Variants in ZNF626 observed in about 807,000 individuals in gnomAD.
ZNF626 encodes CTC-513N18.7.
ZNF626 carries 4 observed loss-of-function variants against 11.7 expected under a neutral mutation model. The ratio of observed to expected loss-of-function variants is 0.34; its 90% CI spans 0.17 to 0.78. The LOEUF is 0.78. ZNF626 is among the 30% of genes least tolerant of loss of function. The probability of loss-of-function intolerance (pLI) is 0.57; values close to 1 mark genes in which losing one functional copy is unlikely to be tolerated. For synonymous variants in ZNF626, 179 were observed against 198.6 expected (o/e 0.90, Z 0.83); for missense variants, 588 against 587.1 (o/e 1.00, Z -0.01).
chr19:20,624,367 G>A lies in ZNF626; in HGVS notation c.1510C>T (p.Leu504=). ...SILTTHERII[L]ERNSTNVKNV... ...TTCACATTTGTAGAATTTCTCTCCA[G>A]TATGATTCTCTCATGTGTAGTAAGG... The change falls in exon 4 of 4, where the codon CTG becomes TTG. Residue 504 remains leucine (L), a synonymous_variant. Coordinates refer to ENST00000601440, the MANE Select transcript of ZNF626 (RefSeq NM_001076675.3). The A allele has an allele frequency of 7.0e-6, 9 of 1,291,684 alleles. 3 individuals are homozygous for A. Among genetic ancestry groups the A allele is most frequent in the Non-Finnish European group, 9.3e-6 (9 of 971,346 alleles). 80.0% of individuals were successfully genotyped at this position (1,291,684 alleles called of 1,614,324 possible).
chr19:20,655,769 A>C (rs1295615951), intron 1 of ZNF626, among the ~76,000 whole-genome samples: 1 of 151,968 alleles, frequency 6.6e-6, no homozygotes, highest in African/African-American at 2.4e-5. Flanking sequence ...AAAAATACAA[A>C]AAAAAGAACA....
At chr19:20,661,338 A>C (rs1168741581) in intron 1 of ZNF626, 106 bp downstream of exon 1, 2 of 1,438,740 alleles carry the variant, frequency 1.4e-6, no homozygotes, top group African/African-American at 2.8e-5. Flanking sequence ...CTGGGGGAGC[A>C]GACTGTGGAG....
In ZNF626 at chr19:20,625,380, C is replaced by T; in HGVS notation, c.497G>A (p.Gly166Glu). The T allele has an allele frequency of 1.2e-6, 2 of 1,614,042 alleles. No homozygotes were observed. Among genetic ancestry groups the T allele is most frequent in the South Asian group, 2.2e-5 (2 of 91,068 alleles). ...QFPNSNGQKR[G>E]HTGKKPFKYI... ...TTTGAAAGGTTTTTTCCCAGTATGT[C>T]CTCTCTTTTGTCCGTTTGAATTTGG... Residue 166 changes from glycine (G) to glutamate (E), a missense_variant, in exon 4 of 4, where the codon GGA becomes GAA. By Grantham distance (98) the Gly-to-Glu change is moderately conservative. Transcript: ENST00000601440.
chr19:20,659,743 T>C (rs274802), intron 1 of ZNF626, among the ~76,000 whole-genome samples: 76,696 of 151,460 alleles, frequency 0.51, 22,322 homozygotes, highest in African/African-American at 0.8. Context: ...ATAAATCTAA[T>C]ATTCTTATTT....
In ZNF626 at chr19:20,623,073, T is replaced by C. The variant is rs1555768926; in HGVS notation, c.*1217A>G. 2.6e-5 allele frequency: 4 copies of C among 152,336 alleles called. No homozygotes were observed. In the South Asian group the frequency reaches 8.3e-4, roughly 31 times the overall value. The allele number at this position is 152,336 out of a possible 1,614,324, so 9.4% of individuals were successfully genotyped here. On this transcript the variant is annotated 3_prime_UTR_variant, in exon 4 of 4. Coordinates refer to ENST00000601440, the MANE Select transcript of ZNF626 (RefSeq NM_001076675.3). ...TAATGGTTGTCTTCAGAATAAATAC[T>C]CTTCTTCACTTTAAAGGCTTATATT...
rs1203023559 is a variant in ZNF626 at position 20,637,028 on chromosome 19, A to AAAAC, written c.226+8655_226+8656insGTTT. Among the ~76,000 whole-genome samples the AAAAC allele has an allele frequency of 8.6e-5, 13 of 151,248 alleles. 1 individual carries two copies. The highest frequency in any genetic ancestry group is 3.2e-4 in the African/African-American group (13 of 41,166). The stretch of plus-strand genomic sequence containing the variant: ...AGAAAGACTCCATCTCAAAAAAAAA[A>AAAAC]AAAAAAAAAAGGCCCAGTGCAATGG... On this transcript the variant is annotated intron_variant, in intron 3 of 3. Transcript: ENST00000601440.
rs543453488 is a variant in ZNF626, at chr19:20,624,885, T to A, written c.992A>T (p.His331Leu). 6.2e-7 allele frequency: 1 copy of A among 1,613,970 alleles called. No individual in the cohort carries two copies. The highest frequency in any genetic ancestry group is 8.5e-7 in the Non-Finnish European group (1 of 1,179,990). Residue 331 changes from histidine to leucine, a missense_variant, in exon 4 of 4, where the codon CAT (histidine) becomes CTT (leucine). Coordinates refer to ENST00000601440, the MANE Select transcript of ZNF626 (RefSeq NM_001076675.3). ...TTTGTCTTCAGTATGAATTCTTTTA[T>A]GTGTAGTAAGGGTATAGGAGTACTT... is the stretch of plus-strand genomic sequence containing the variant. Reference protein sequence around the residue: ...AFKYSYTLTTHKRIHTEDKPY... With the variant: ...AFKYSYTLTTLKRIHTEDKPY...
intron 1 of ZNF626, among the ~76,000 whole-genome samples, chr19:20,650,205 G>C (rs10417842): frequency 0.44 from 66,490 of 150,956 alleles, 16,885 homozygotes; most frequent in African/African-American, 0.7. Flanking sequence ...AAGGGCCCAG[G>C]ATTTTTATTG....
intron 3 of ZNF626, among the ~76,000 whole-genome samples, chr19:20,626,582 G>T (rs1969836097): frequency 6.6e-6 from 1 of 151,556 alleles, no homozygotes; most frequent in Admixed American, 6.6e-5. Flanking sequence ...GCTGGGCATG[G>T]TGGCATGTGC....
intron 1 of ZNF626, among the ~76,000 whole-genome samples, chr19:20,657,543 A>C (rs1970217961): frequency 6.6e-6 from 1 of 152,124 alleles, no homozygotes; most frequent in African/African-American, 2.4e-5. Context: ...ATGGTGGCTC[A>C]CGCCTGTAAT....
At chr19:20,626,560 A>G (rs186703841) in intron 3 of ZNF626, among the ~76,000 whole-genome samples, 9 of 152,228 alleles carry the variant, frequency 5.9e-5, no homozygotes, top group Non-Finnish European at 4.4e-5. Flanking sequence ...TCTACTAAAA[A>G]TACAAAAACT....
chr19:20,639,412 T>C (rs567118532), intron 3 of ZNF626, among the ~76,000 whole-genome samples: 5 of 152,342 alleles, frequency 3.3e-5, no homozygotes, highest in Non-Finnish European at 7.4e-5. Flanking sequence ...ATCTGGTGTA[T>C]TCTGTTAGGA....
At chr19:20,646,638 A>C (rs1555771939) in intron 1 of ZNF626, among the ~76,000 whole-genome samples, 2 of 152,234 alleles carry the variant, frequency 1.3e-5, no homozygotes, top group Non-Finnish European at 2.9e-5. Context: ...CTAGATAATA[A>C]AGTATAAAAT....
chr19:20,648,446 G>A (rs943036316), intron 1 of ZNF626, among the ~76,000 whole-genome samples: 24 of 149,370 alleles, frequency 1.6e-4, no homozygotes, highest in Non-Finnish European at 3.4e-4. Context: ...GCGCAATCTC[G>A]GCTCACTGCA....
intron 3 of ZNF626, among the ~76,000 whole-genome samples, chr19:20,628,076 A>G (rs1212652405): frequency 1.3e-5 from 2 of 152,120 alleles, no homozygotes; most frequent in Non-Finnish European, 2.9e-5. Flanking sequence ...GATGGTTTCC[A>G]GTTTCATCCA....
At position 20,630,435 on chromosome 19, in the gene ZNF626, TG is replaced by T. The variant is rs1223168220; in HGVS notation, c.227-4786del. Among the ~76,000 whole-genome samples, 32 of 152,312 alleles carry T rather than the reference TG, an allele frequency of 2.1e-4. No homozygotes were observed. In the Middle Eastern group the frequency reaches 0.01, roughly 49 times the overall value. The stretch of plus-strand genomic sequence containing the variant: ...GAACTTTTTTTGATTGGTAAGCTAT[TG>T]ATTATTGCCTCAATTTCAGCTCCTA... On this transcript the variant is annotated intron_variant, in intron 3 of 3. Coordinates refer to ENST00000601440, the MANE Select transcript of ZNF626 (RefSeq NM_001076675.3).
intron 3 of ZNF626, among the ~76,000 whole-genome samples, chr19:20,630,431 CT>C: frequency 6.6e-6 from 1 of 152,216 alleles, no homozygotes; most frequent in South Asian, 2.1e-4. Flanking sequence ...GATTGGTAAG[CT>C]ATTGATTATT....
chr19:20,660,762 T>G (rs1267941399), intron 1 of ZNF626, among the ~76,000 whole-genome samples: 1 of 152,084 alleles, frequency 6.6e-6, no homozygotes, highest in Non-Finnish European at 1.5e-5. Context: ...TGTTTTTGTT[T>G]CCATCCCCTA....
At chr19:20,633,259 C>T (rs1396229332) in intron 3 of ZNF626, among the ~76,000 whole-genome samples, 1 of 152,176 alleles carries the variant, frequency 6.6e-6, no homozygotes, top group Non-Finnish European at 1.5e-5. Context: ...GGCAGTCTGC[C>T]CATTCTCAGA....
Sources: gnomAD v4.1 joint callset for allele counts (sites outside exome capture counted in the v4.1 genomes callset) on GRCh38, gnomAD v4.1.1 for gene constraint, MANE v1.5 for transcripts, NCBI Gene and HGNC (gene_info 2026-07-23, HGNC 2026-07-21) for gene names.